DEPDC5: variants seen among roughly 807,000 people sequenced by gnomAD.
The protein encoded by DEPDC5 is GATOR1 complex protein DEPDC5.
DEPDC5 carries 73 observed loss-of-function variants against 217.3 expected under a neutral mutation model. The ratio of observed to expected loss-of-function variants is 0.34; its 90% CI spans 0.28 to 0.41. The LOEUF (loss-of-function observed/expected upper bound fraction) is 0.41, where lower values mean the gene tolerates loss of function less well. Among genes scored for constraint, DEPDC5 ranks in the 10% least tolerant of loss-of-function variants. The pLI, the probability that DEPDC5 is intolerant of heterozygous loss-of-function variation, is 1.00. For synonymous variants in DEPDC5, 733 were observed against 756.7 expected (o/e 0.97, Z 0.51); for missense variants, 1,675 against 2,070.1 (o/e 0.81, Z 3.70).
intron 9 of DEPDC5, 40 bp from the exon 10 acceptor site, chr22:31,784,774 G>A (rs1468382509): frequency 6.4e-7 from 1 of 1,570,312 alleles, no homozygotes; most frequent in Non-Finnish European, 8.7e-7. Context: ...AATAAAGATT[G>A]TTCTCATGTT....
intron 4 of DEPDC5, among the ~76,000 whole-genome samples, chr22:31,764,720 CCTT>C (rs1418239867): frequency 6.6e-6 from 1 of 152,078 alleles, no homozygotes; most frequent in Non-Finnish European, 1.5e-5. Flanking sequence ...CCAGCCTCTT[CCTT>C]CTTAAATTCT....
chr22:31,876,559 T>G lies in DEPDC5; in HGVS notation c.3805+294T>G, dbSNP rs528369174. On this transcript the variant is annotated intron_variant, in intron 37 of 42. Coordinates refer to ENST00000651528, the MANE Select transcript of DEPDC5 (RefSeq NM_001242896.3). ...CACATCAGTTTTTGGTAGCTGTTTT[T>G]AATTAGAGTGCCCCACCCCCTTGCC... Among the ~76,000 whole-genome samples the G allele has an allele frequency of 3.9e-5, 6 of 152,288 alleles. No individual in the cohort carries two copies. In the East Asian group the frequency reaches 1.2e-3, roughly 29 times the overall value.
intron 12 of DEPDC5, among the ~76,000 whole-genome samples, chr22:31,793,614 C>T (rs115388196): frequency 0.025 from 3,818 of 152,142 alleles, 61 homozygotes; most frequent in African/African-American, 0.041. Context: ...CTCTCTCGCC[C>T]AGGCTGGAGT....
intron 17 of DEPDC5, chr22:31,805,204 T>C: frequency 4.7e-6 from 1 of 210,838 alleles, no homozygotes; most frequent in South Asian, 9.0e-5. Flanking sequence ...GACCAACATT[T>C]GTACCTGACC....
chr22:31,806,246 T>C lies in DEPDC5; in HGVS notation c.1287+55T>C, dbSNP rs2087524831. On this transcript the variant is annotated intron_variant, in intron 18 of 42. Coordinates refer to ENST00000651528, the MANE Select transcript of DEPDC5 (RefSeq NM_001242896.3). Reference sequence around the variant, plus strand: ...CTTATTATGTGGTCCAGTCTTATCTTGAGCTCCTGGACTCAATCAGTCCTC... The same window carrying C: ...CTTATTATGTGGTCCAGTCTTATCTCGAGCTCCTGGACTCAATCAGTCCTC... 6.0e-6 allele frequency: 9 copies of C among 1,488,400 alleles called. No individual in the cohort carries two copies. The Admixed American group carries it at 1.6e-4, about 27-fold the overall frequency. 92.2% of individuals were successfully genotyped at this position (1,488,400 alleles called of 1,614,324 possible).
At chr22:31,808,774 C>A (rs1255547367) in intron 18 of DEPDC5, among the ~76,000 whole-genome samples, 3 of 151,786 alleles carry the variant, frequency 2.0e-5, no homozygotes, top group Non-Finnish European at 4.4e-5. Context: ...ACCATGTTGG[C>A]CAGGCTGGTA....
Position 31,815,301 on chromosome 22 carries a change from T to G in DEPDC5, c.1666+89T>G. 3 of 1,376,138 alleles carry G rather than the reference T, an allele frequency of 2.2e-6. No homozygotes were observed. The South Asian group carries it at 3.6e-5, about 17-fold the overall frequency. The allele number at this position is 1,376,138 out of a possible 1,614,324, so 85.2% of individuals were successfully genotyped here. A position where few individuals can be genotyped will look rare whatever the true frequency, so the allele number is the denominator to read the frequency against. On this transcript the variant is annotated intron_variant, in intron 21 of 42. Transcript: ENST00000651528. ...GTGGGAGGATTGGTCAGAGGTGGGG[T>G]GTAAATCCCACATCTTAATGATTTC...
At chr22:31,829,371 A>G (rs978277320) in intron 24 of DEPDC5, among the ~76,000 whole-genome samples, 1 of 152,166 alleles carries the variant, frequency 6.6e-6, no homozygotes, top group Non-Finnish European at 1.5e-5. Flanking sequence ...GCCTCTACTG[A>G]AAATACAAAT....
At chr22:31,833,692 T>C (rs771801541) in intron 24 of DEPDC5, among the ~76,000 whole-genome samples, 1 of 152,250 alleles carries the variant, frequency 6.6e-6, no homozygotes, top group African/African-American at 2.4e-5. Flanking sequence ...TAGCAAAGAA[T>C]GATACCAGTA....
At chr22:31,786,827 CTTTAACT>C (rs1601828422) in intron 10 of DEPDC5, among the ~76,000 whole-genome samples, 2 of 151,914 alleles carry the variant, frequency 1.3e-5, no homozygotes, top group East Asian at 3.9e-4. Context: ...CCGGGCTACT[CTTTAACT>C]TTTGTTTTCA....
chr22:31,838,619 T>C, intron 26 of DEPDC5, 66 bp from the exon 27 acceptor site: 1 of 1,574,196 alleles, frequency 6.4e-7, no homozygotes, highest in Non-Finnish European at 8.7e-7. Flanking sequence ...ATGATGAGAC[T>C]GTGCACTCTT....
intron 12 of DEPDC5, among the ~76,000 whole-genome samples, chr22:31,793,715 G>A (rs781705574): frequency 6.6e-6 from 1 of 151,866 alleles, no homozygotes; most frequent in African/African-American, 2.4e-5. Flanking sequence ...GACTACAGGC[G>A]CCCGTGACCA....
intron 7 of DEPDC5, among the ~76,000 whole-genome samples, chr22:31,772,973 G>A (rs550658882): frequency 4.6e-5 from 7 of 151,844 alleles, no homozygotes; most frequent in Non-Finnish European, 7.4e-5. Flanking sequence ...GTAGACACGG[G>A]GTCTTGCCAT....
In DEPDC5 at chr22:31,870,667, A is replaced by G. The variant is rs980722756; in HGVS notation, c.3408A>G (p.Arg1136=). 14 of 1,604,198 alleles carry G rather than the reference A, an allele frequency of 8.7e-6. No homozygotes were observed. Among genetic ancestry groups the G allele is most frequent in the Non-Finnish European group, 1.2e-5 (14 of 1,176,064 alleles). Residue 1136 remains arginine (R), a synonymous_variant, in exon 34 of 43, where the codon AGA becomes AGG. Transcript: ENST00000651528. ...LGICTGQSMD[R]GNSQTFGNSQ... is the part of the protein sequence containing the mutation. ...TATGCACAGGCCAATCCATGGACAG[A>G]GGCAACAGCCAGACCTTTGGGAACT... is the stretch of plus-strand genomic sequence containing the variant.
rs1602639075 is a variant in DEPDC5, at chr22:31,876,207, G to T, written c.3747G>T (p.Arg1249=). The part of the protein sequence containing the change: ...LITHASGEAW[R]TFIYGFYFYK... ...CACATGCATCTGGCGAAGCCTGGCGGACCTTCATCTACGGCTTCTATTTCT... is the reference window on the plus strand; with the variant it reads ...CACATGCATCTGGCGAAGCCTGGCGTACCTTCATCTACGGCTTCTATTTCT... The change falls in exon 37 of 43, where the codon CGG becomes CGT. Residue 1249 remains arginine (R), a synonymous_variant. Coordinates refer to ENST00000651528, the MANE Select transcript of DEPDC5 (RefSeq NM_001242896.3). The T allele has an allele frequency of 6.2e-7, 1 of 1,614,162 alleles. No individual in the cohort carries two copies. The highest frequency in any genetic ancestry group is 1.3e-5 in the African/African-American group (1 of 75,076).
rs1458285125 is a variant in DEPDC5 at position 31,778,171 on chromosome 22, A to G, written c.483+3A>G. ...GCTACATCAGTGAAGATACCAGGGT[A>G]AGATTTATAAAATGCTTTTTTGGTT... On this transcript the variant is annotated splice_donor_region_variant and intron_variant, in intron 8 of 42. Coordinates refer to ENST00000651528, the MANE Select transcript of DEPDC5 (RefSeq NM_001242896.3). 2 of 1,614,014 alleles carry G rather than the reference A, an allele frequency of 1.2e-6. 1 individual carries two copies.
At chr22:31,887,294 C>T (rs1370040313) in intron 38 of DEPDC5, among the ~76,000 whole-genome samples, 2 of 151,476 alleles carry the variant, frequency 1.3e-5, no homozygotes, top group East Asian at 1.9e-4. Flanking sequence ...GTGGTGGGCA[C>T]CTGTAATTCC....
At chr22:31,808,710 G>A (rs2087872268) in intron 18 of DEPDC5, among the ~76,000 whole-genome samples, 1 of 152,024 alleles carries the variant, frequency 6.6e-6, no homozygotes, top group Non-Finnish European at 1.5e-5. Context: ...GGGATTACAG[G>A]TGTGAGCCAC....
chr22:31,812,546 TC>T (rs2088523853), intron 20 of DEPDC5, among the ~76,000 whole-genome samples: 2 of 146,070 alleles, frequency 1.4e-5, no homozygotes, highest in African/African-American at 5.1e-5. Context: ...TGCCTCAGCC[TC>T]CCGAGTAGCT....
Sources: allele counts gnomAD v4.1 joint callset (sites outside exome capture counted in the v4.1 genomes callset), GRCh38; gene constraint gnomAD v4.1.1; transcripts MANE v1.5; gene names NCBI Gene and HGNC (gene_info 2026-07-23, HGNC 2026-07-21).